PHF2: variants seen among roughly 807,000 people sequenced by gnomAD.
PHF2 encodes lysine-specific demethylase PHF2.
Under a neutral mutation model 120.5 loss-of-function variants are expected in PHF2, and 27 were observed. That is an observed-to-expected ratio of 0.22 (90% CI 0.17 to 0.31). The LOEUF (loss-of-function observed/expected upper bound fraction) is 0.31, where lower values mean the gene tolerates loss of function less well. Among genes scored for constraint, PHF2 ranks in the 10% least tolerant of loss-of-function variants. The pLI is 1.00. For synonymous variants in PHF2, 568 were observed against 592.5 expected, an observed-to-expected ratio of 0.96 and a Z score of 0.60; for missense variants, 1,024 against 1,434.8, an observed-to-expected ratio of 0.71 and a Z score of 4.63.
At chr9:93,626,424 ATTGT>A (rs1443511642) in intron 1 of PHF2, among the ~76,000 whole-genome samples, 4 of 152,072 alleles carry the variant, frequency 2.6e-5, no homozygotes, top group East Asian at 3.9e-4. Flanking sequence ...TATTAATCGG[ATTGT>A]TTGTCTTTTT....
chr9:93,599,716 A>C (rs528042658), intron 1 of PHF2, among the ~76,000 whole-genome samples: 35 of 152,354 alleles, frequency 2.3e-4, no homozygotes, highest in African/African-American at 8.2e-4. Context: ...GATGTGGTCC[A>C]GCACCTCATT....
At chr9:93,631,300 T>A (rs537288718) in intron 2 of PHF2, among the ~76,000 whole-genome samples, 7 of 152,248 alleles carry the variant, frequency 4.6e-5, no homozygotes, top group African/African-American at 1.4e-4. Flanking sequence ...CGGTGGGGGC[T>A]GCATGTGTTT....
intron 4 of PHF2, among the ~76,000 whole-genome samples, chr9:93,648,514 G>A (rs886764819): frequency 1.3e-5 from 2 of 152,176 alleles, no homozygotes; most frequent in East Asian, 3.9e-4. Context: ...TGCAAAGGGC[G>A]ACTGGCAATT....
At chr9:93,645,894 G>T (rs1227886345) in intron 4 of PHF2, 105 bp downstream of exon 4, 19 of 1,301,900 alleles carry the variant, frequency 1.5e-5, no homozygotes, top group Non-Finnish European at 1.8e-5. Flanking sequence ...GTCCATGTGT[G>T]CCGTGAGCAG....
At chr9:93,641,275 T>C (rs889657589) in intron 3 of PHF2, among the ~76,000 whole-genome samples, 7 of 152,206 alleles carry the variant, frequency 4.6e-5, no homozygotes, top group Non-Finnish European at 7.3e-5. Flanking sequence ...TATTTAAAAA[T>C]AGATTCTATT....
At chr9:93,601,820 C>G (rs1366249265) in intron 1 of PHF2, among the ~76,000 whole-genome samples, 1 of 152,024 alleles carries the variant, frequency 6.6e-6, no homozygotes, top group Admixed American at 6.6e-5. Context: ...GCCAGGGTCC[C>G]TGATGAGGGT....
chr9:93,636,221 G>A (rs751970029), intron 2 of PHF2, among the ~76,000 whole-genome samples, 190 bp from the exon 3 acceptor site: 2 of 152,088 alleles, frequency 1.3e-5, no homozygotes, highest in Non-Finnish European at 2.9e-5. Flanking sequence ...ACACGAGGTC[G>A]AGGTAGGGGG....
chr9:93,622,141 G>A (rs560060315), intron 1 of PHF2, among the ~76,000 whole-genome samples: 245 of 152,292 alleles, frequency 1.6e-3, no homozygotes, highest in African/African-American at 5.8e-3. Flanking sequence ...ACAGGGAGGG[G>A]TGAGGCCTGG....
At chr9:93,641,486 A>G (rs980016834) in intron 3 of PHF2, among the ~76,000 whole-genome samples, 2 of 152,172 alleles carry the variant, frequency 1.3e-5, no homozygotes, top group Admixed American at 6.5e-5. Context: ...TATGAGCTCA[A>G]TTCTCTGATG....
At chr9:93,586,661 A>G (rs1863050263) in intron 1 of PHF2, among the ~76,000 whole-genome samples, 1 of 152,250 alleles carries the variant, frequency 6.6e-6, no homozygotes, top group Non-Finnish European at 1.5e-5. Flanking sequence ...ATCCAGCATG[A>G]GCTGTGCTAG....
At chr9:93,605,327 C>G (rs1825521145) in intron 1 of PHF2, among the ~76,000 whole-genome samples, 1 of 152,204 alleles carries the variant, frequency 6.6e-6, no homozygotes. Context: ...AAGCAGTCCT[C>G]CCACCTCAGT....
chr9:93,586,246 G>A (rs926757349), intron 1 of PHF2, among the ~76,000 whole-genome samples: 29 of 152,360 alleles, frequency 1.9e-4, no homozygotes, highest in Admixed American at 1.4e-3. Flanking sequence ...TTCCTTGGCT[G>A]GAGTCAGCCA....
At chr9:93,658,604 G>C (rs1392538820) in intron 10 of PHF2, among the ~76,000 whole-genome samples, 1 of 152,162 alleles carries the variant, frequency 6.6e-6, no homozygotes, top group Non-Finnish European at 1.5e-5. Flanking sequence ...GCCTATGGTG[G>C]GATGACACTG....
intron 4 of PHF2, among the ~76,000 whole-genome samples, chr9:93,648,203 C>A (rs1826295104): frequency 6.6e-6 from 1 of 152,218 alleles, no homozygotes; most frequent in Non-Finnish European, 1.5e-5. Flanking sequence ...CCATGTTGGT[C>A]CTGCAGAATG....
intron 3 of PHF2, among the ~76,000 whole-genome samples, chr9:93,638,560 C>A (rs961216922): frequency 2.0e-4 from 30 of 152,176 alleles, no homozygotes; most frequent in Non-Finnish European, 2.9e-5. Flanking sequence ...ACAGTCTTGG[C>A]ACCCTTATCA....
chr9:93,668,835 C>T (rs112351347), intron 17 of PHF2, among the ~76,000 whole-genome samples: 1 of 152,254 alleles, frequency 6.6e-6, no homozygotes, highest in Non-Finnish European at 1.5e-5. Context: ...CCGCCGGCCC[C>T]CCTCAGCCCG....
intron 3 of PHF2, among the ~76,000 whole-genome samples, chr9:93,643,164 A>G (rs1247826074): frequency 6.6e-6 from 1 of 152,076 alleles, no homozygotes; most frequent in African/African-American, 2.4e-5. Context: ...CATTGGGACT[A>G]GTATGTCCTT....
In PHF2 at chr9:93,677,518, C is replaced by G. The variant is rs1182720110; in HGVS notation, c.3203-70C>G. 1.1e-5 allele frequency: 13 copies of G among 1,151,036 alleles called. No individual in the cohort carries two copies. Among genetic ancestry groups the G allele is most frequent in the African/African-American group, 6.1e-5 (4 of 65,896 alleles). The allele number at this position is 1,151,036 out of a possible 1,614,324, so 71.3% of individuals were successfully genotyped here. ...TTAGTGTCAGCGGGACCCTCCCCCC[C>G]ACCGGCATGCCACGCCCCTTGCCAT... On this transcript the variant is annotated intron_variant, in intron 21 of 21. Transcript: ENST00000359246. This position sits in a 1 kb window ranked among gnomAD's most constrained non-coding sequence, Gnocchi z 4.4.
intron 1 of PHF2, among the ~76,000 whole-genome samples, chr9:93,595,468 A>G (rs1326511215): frequency 6.6e-6 from 1 of 152,260 alleles, no homozygotes; most frequent in Non-Finnish European, 1.5e-5. Context: ...TGAAAATATA[A>G]TGTAAACCTG....
Sources: allele counts gnomAD v4.1 joint callset (sites outside exome capture counted in the v4.1 genomes callset), GRCh38; gene constraint gnomAD v4.1.1; non-coding constraint Gnocchi (gnomAD v3.1); transcripts MANE v1.5; gene names NCBI Gene and HGNC (gene_info 2026-07-23, HGNC 2026-07-21).